ZDHHC2: variants seen among roughly 807,000 people sequenced by gnomAD.
ZDHHC2 encodes zDHHC palmitoyltransferase 2, also known as palmitoyltransferase ZDHHC2.
In ZDHHC2, 51 loss-of-function variants were observed where a neutral mutation model predicts 55.6. The ratio of observed to expected loss-of-function variants is 0.92; its 90% CI spans 0.73 to 1.16. The LOEUF is 1.16. Among genes scored for constraint, ZDHHC2 ranks in the 50% most tolerant of loss-of-function variants. ZDHHC2 has a pLI of 0.00. For missense variants in ZDHHC2, 491 were observed against 442.4 expected (o/e 1.11, Z -0.99); for synonymous variants, 199 against 152.9 (o/e 1.30, Z -2.22).
At chr8:17,205,812 C>G in intron 7 of ZDHHC2, 37 bp downstream of exon 7, 1 of 1,564,022 alleles carries the variant, frequency 6.4e-7, no homozygotes, top group South Asian at 1.2e-5. Context: ...TTTTGGTATA[C>G]AATAATAGAT....
intron 6 of ZDHHC2, among the ~76,000 whole-genome samples, chr8:17,202,169 C>A (rs1317845506): frequency 1.3e-5 from 2 of 152,152 alleles, no homozygotes; most frequent in African/African-American, 2.4e-5. Flanking sequence ...GTTCTAGAGG[C>A]CATACACATA....
chr8:17,212,616 A>G (rs1012050730), intron 10 of ZDHHC2, among the ~76,000 whole-genome samples: 40 of 152,254 alleles, frequency 2.6e-4, no homozygotes, highest in African/African-American at 9.6e-4. Context: ...GGATTACTTC[A>G]GTAGTTTTCT....
At chr8:17,198,907 A>C (rs2150926673) in intron 6 of ZDHHC2, among the ~76,000 whole-genome samples, 1 of 152,338 alleles carries the variant, frequency 6.6e-6, no homozygotes. Context: ...GAATTCATTA[A>C]TATTTGCTAA....
In ZDHHC2 at chr8:17,156,553, C is replaced by T. The variant is rs1335384949; in HGVS notation, c.-171C>T. On this transcript the variant is annotated 5_prime_UTR_variant, in exon 1 of 13. Coordinates refer to ENST00000262096, the MANE Select transcript of ZDHHC2 (RefSeq NM_016353.5). ...CTGAGGAGCCGGGAGTCCGCCGCGC[C>T]GGCTCGGGGCTGCGGGATGGGGAGT... is the stretch of plus-strand genomic sequence containing the variant. The T allele has an allele frequency of 6.0e-6, 2 of 334,848 alleles. No individual in the cohort carries two copies. Among genetic ancestry groups the T allele is most frequent in the African/African-American group, 4.5e-5 (2 of 44,412 alleles). 20.7% of individuals were successfully genotyped at this position (334,848 alleles called of 1,614,324 possible).
At chr8:17,219,800 A>ACAAAG (rs1431367842) in intron 12 of ZDHHC2, among the ~76,000 whole-genome samples, 5 of 152,072 alleles carry the variant, frequency 3.3e-5, no homozygotes, top group African/African-American at 1.2e-4. Flanking sequence ...ACAAAACAAA[A>ACAAAG]CAAAGCTGTG....
chr8:17,221,166 C>G lies in ZDHHC2; in HGVS notation c.*945C>G, dbSNP rs977130030. ...CTATATTATTTCTTTCTCGTCTCAT[C>G]AAAATGATGACAGGTAAACTATATT... On this transcript the variant is annotated 3_prime_UTR_variant, in exon 13 of 13. Transcript: ENST00000262096. 9 of 152,596 alleles carry G rather than the reference C, an allele frequency of 5.9e-5. No individual in the cohort carries two copies. Among genetic ancestry groups the G allele is most frequent in the African/African-American group, 1.7e-4 (7 of 41,538 alleles). The allele number at this position is 152,596 out of a possible 1,614,324, so 9.5% of individuals were successfully genotyped here. A position where few individuals can be genotyped will look rare whatever the true frequency, so the allele number is the denominator to read the frequency against.
intron 1 of ZDHHC2, among the ~76,000 whole-genome samples, chr8:17,176,248 G>A (rs1039619030): frequency 3.3e-5 from 5 of 152,132 alleles, no homozygotes; most frequent in African/African-American, 1.2e-4. Context: ...AGACTGTTAG[G>A]AATATCAGGA....
chr8:17,183,759 T>C (rs901495363), intron 1 of ZDHHC2, among the ~76,000 whole-genome samples: 8 of 152,090 alleles, frequency 5.3e-5, no homozygotes, highest in Non-Finnish European at 1.0e-4. Context: ...TTCAACACCC[T>C]GGAAGGATGA....
chr8:17,176,189 G>C (rs1805121392), intron 1 of ZDHHC2, among the ~76,000 whole-genome samples: 1 of 152,130 alleles, frequency 6.6e-6, no homozygotes, highest in African/African-American at 2.4e-5. Flanking sequence ...GGAATTGTGT[G>C]GGGATCCATT....
At chr8:17,198,664 A>G (rs1806451746) in intron 6 of ZDHHC2, among the ~76,000 whole-genome samples, 1 of 152,232 alleles carries the variant, frequency 6.6e-6, no homozygotes, top group Non-Finnish European at 1.5e-5. Flanking sequence ...AGAACAAAGG[A>G]TTTTGTTTGT....
At chr8:17,162,612 C>T (rs1585637510) in intron 1 of ZDHHC2, among the ~76,000 whole-genome samples, 1 of 152,096 alleles carries the variant, frequency 6.6e-6, no homozygotes, top group African/African-American at 2.4e-5. Context: ...AGGCATTTCC[C>T]GCCACAGAAA....
chr8:17,189,778 A>G (rs1273395103), intron 3 of ZDHHC2, among the ~76,000 whole-genome samples: 1 of 152,244 alleles, frequency 6.6e-6, no homozygotes, highest in Non-Finnish European at 1.5e-5. Flanking sequence ...GATGACAGTG[A>G]CATTATAACG....
At chr8:17,197,071 TAGGTATATTTACCCTGTA>T (rs1806355282) in intron 4 of ZDHHC2, among the ~76,000 whole-genome samples, 1 of 152,218 alleles carries the variant, frequency 6.6e-6, no homozygotes, top group African/African-American at 2.4e-5. Context: ...TATATATGTT[TAGGTATATTTACCCTGTA>T]AGGCTAAACA....
At chr8:17,171,726 A>T (rs375512347) in intron 1 of ZDHHC2, among the ~76,000 whole-genome samples, 47 of 151,896 alleles carry the variant, frequency 3.1e-4, no homozygotes, top group African/African-American at 1.1e-3. Flanking sequence ...GACAACATGG[A>T]TGAACCTGGA....
At position 17,222,183 on chromosome 8, in the gene ZDHHC2, A is replaced by T. The variant is rs1807952396; in HGVS notation, c.*1962A>T. 1 of 151,684 alleles carries T rather than the reference A, an allele frequency of 6.6e-6. No homozygotes were observed. The highest frequency in any genetic ancestry group is 1.9e-4 in the East Asian group (1 of 5,186). The allele number at this position is 151,684 out of a possible 1,614,324, so 9.4% of individuals were successfully genotyped here. On this transcript the variant is annotated 3_prime_UTR_variant, in exon 13 of 13. Transcript: ENST00000262096. ...ATATGTCAATACACATTAGAATCAG[A>T]TTTGAAAAAGTTAAAACAATTTCAT... is the stretch of plus-strand genomic sequence containing the variant.
chr8:17,209,904 A>G, intron 8 of ZDHHC2, 28 bp from the exon 9 acceptor site: 1 of 1,593,026 alleles, frequency 6.3e-7, no homozygotes. Context: ...TTCTTTACTC[A>G]TGTGATTCCT....
At chr8:17,171,418 G>T (rs1369561353) in intron 1 of ZDHHC2, among the ~76,000 whole-genome samples, 1 of 152,162 alleles carries the variant, frequency 6.6e-6, no homozygotes, top group Non-Finnish European at 1.5e-5. Flanking sequence ...ACATTGCTTA[G>T]TGCAGTCAGT....
intron 6 of ZDHHC2, among the ~76,000 whole-genome samples, chr8:17,198,622 A>C (rs1345919043): frequency 1.3e-5 from 2 of 152,226 alleles, no homozygotes; most frequent in Non-Finnish European, 2.9e-5. Flanking sequence ...CAGTAGGTTA[A>C]CAACCTAAAA....
intron 1 of ZDHHC2, among the ~76,000 whole-genome samples, chr8:17,175,174 A>G (rs779323934): frequency 1.4e-4 from 21 of 152,262 alleles, no homozygotes; most frequent in Non-Finnish European, 2.8e-4. Flanking sequence ...CAGACTCCAT[A>G]GGGCGTTGGC....
Sources: allele counts gnomAD v4.1 joint callset (sites outside exome capture counted in the v4.1 genomes callset), GRCh38; gene constraint gnomAD v4.1.1; transcripts MANE v1.5; gene names NCBI Gene and HGNC (gene_info 2026-07-23, HGNC 2026-07-21).